The following DENND1B variants were observed in gnomAD, a reference collection of about 807,000 sequenced individuals.
The protein encoded by DENND1B is DENN domain containing 1B.
Under a neutral mutation model 90.1 loss-of-function variants are expected in DENND1B, and 59 were observed. The observed-to-expected ratio is 0.65, with a 90% CI of 0.53 to 0.81. The LOEUF (loss-of-function observed/expected upper bound fraction) is 0.81. Among genes scored for constraint, DENND1B ranks in the 40% least tolerant of loss-of-function variants. The pLI is 0.00. For missense variants in DENND1B, 862 were observed against 912.6 expected (o/e 0.94, Z 0.71); for synonymous variants, 337 against 324.6 (o/e 1.04, Z -0.41).
intron 5 of DENND1B, among the ~76,000 whole-genome samples, chr1:197,666,491 A>G (rs528259939): frequency 6.6e-6 from 1 of 152,344 alleles, no homozygotes. Context: ...TATAGCAAAT[A>G]AATTATTTTT....
intron 5 of DENND1B, among the ~76,000 whole-genome samples, chr1:197,665,733 A>G (rs1654877611): frequency 6.6e-6 from 1 of 152,262 alleles, no homozygotes; most frequent in Middle Eastern, 3.4e-3. Flanking sequence ...CTCAAGAGAC[A>G]TTCATAAATA....
intron 2 of DENND1B, chr1:197,735,734 T>C (rs760945009): frequency 3.7e-6 from 6 of 1,613,274 alleles, no homozygotes; most frequent in African/African-American, 1.3e-5. Context: ...AGTTTCTTAA[T>C]GCAAAATGCG....
intron 15 of DENND1B, among the ~76,000 whole-genome samples, chr1:197,579,997 G>A (rs967972119): frequency 6.7e-6 from 1 of 149,958 alleles, no homozygotes; most frequent in Admixed American, 6.7e-5. Context: ...TAAAGTCTTT[G>A]CAAGTCAGTT....
chr1:197,674,922 T>C (rs2488408), intron 3 of DENND1B, among the ~76,000 whole-genome samples: 1,593 of 152,232 alleles, frequency 0.01, 21 homozygotes, highest in African/African-American at 0.036. Context: ...TTAAAAATAA[T>C]TTCAAAATCT....
At chr1:197,512,511 C>A (rs1194286785) in intron 21 of DENND1B, among the ~76,000 whole-genome samples, 1 of 151,516 alleles carries the variant, frequency 6.6e-6, no homozygotes, top group Admixed American at 6.6e-5. Context: ...GTCTACTGTA[C>A]CCTCAATTCC....
In DENND1B at chr1:197,594,383, T is replaced by C. The variant is rs191934271; in HGVS notation, c.1047+825A>G. On this transcript the variant is annotated intron_variant, in intron 14 of 22. Transcript: ENST00000620048. ...AAGATAGAGGGGGAAGGTATAAGAA[T>C]TCTCATTTTACAAACATGAAGATCA... 1.2e-3 allele frequency among the ~76,000 whole-genome samples: 177 copies of C among 152,206 alleles called. 1 individual carries two copies. The highest frequency in any genetic ancestry group is 1.3e-3 in the Non-Finnish European group (85 of 67,990).
At chr1:197,555,942 T>A (rs887922909) in intron 15 of DENND1B, among the ~76,000 whole-genome samples, 3 of 152,038 alleles carry the variant, frequency 2.0e-5, no homozygotes, top group African/African-American at 7.2e-5. Context: ...AGCAAAGACA[T>A]GGATTCAACC....
chr1:197,511,902 A>T lies in DENND1B; in HGVS notation c.1641T>A (p.Tyr547Ter). Reference sequence around the variant, plus strand: ...TTGTTTCAACAGAGTCATCACTCTCATAGAGATAAGCAGAAGCTTCTTCAC... The same window carrying T: ...TTGTTTCAACAGAGTCATCACTCTCTTAGAGATAAGCAGAAGCTTCTTCAC... Reference protein sequence around the residue: ...EDGEEASAYLYESDDSVETRV... With the variant: ...EDGEEASAYL The change falls in exon 22 of 23, where the codon TAT becomes TAA. Residue 547 changes from tyrosine to a stop codon, truncating the protein, a stop_gained. Transcript: ENST00000620048. LOFTEE classifies it high-confidence loss of function. 1 of 1,609,528 alleles carries T rather than the reference A, an allele frequency of 6.2e-7. No individual in the cohort carries two copies. Among genetic ancestry groups the T allele is most frequent in the Non-Finnish European group, 8.5e-7 (1 of 1,177,316 alleles).
chr1:197,734,713 T>C lies in DENND1B; in HGVS notation c.83-19639A>G. The stretch of plus-strand genomic sequence containing the variant: ...AAGGGTGTAACTACTGTATACAGGA[T>C]TCAGAATTAAAGAATACATCATTTG... On this transcript the variant is annotated intron_variant, in intron 2 of 22. Coordinates refer to ENST00000620048, the MANE Select transcript of DENND1B (RefSeq NM_001195215.2). The C allele has an allele frequency of 1.1e-5, 11 of 984,890 alleles. No individual in the cohort carries two copies. The South Asian group carries it at 1.4e-4, about 13-fold the overall frequency. 61.0% of individuals were successfully genotyped at this position (984,890 alleles called of 1,614,324 possible).
At chr1:197,585,218 AAAAAT>A (rs1295569709) in intron 14 of DENND1B, among the ~76,000 whole-genome samples, 55 of 152,216 alleles carry the variant, frequency 3.6e-4, no homozygotes, top group African/African-American at 1.1e-3. Context: ...ACTGAATTTT[AAAAAT>A]AAAATAAAAA....
intron 2 of DENND1B, among the ~76,000 whole-genome samples, chr1:197,766,144 A>T (rs1438097257): frequency 6.6e-6 from 1 of 152,166 alleles, no homozygotes; most frequent in Non-Finnish European, 1.5e-5. Flanking sequence ...TATGTTGCCC[A>T]GCCTGGTCTT....
intron 2 of DENND1B, among the ~76,000 whole-genome samples, chr1:197,726,936 A>G (rs529153191): frequency 6.6e-5 from 10 of 152,362 alleles, no homozygotes; most frequent in African/African-American, 2.4e-4. Context: ...TAGCTATTAC[A>G]TTTCAGTTCA....
At chr1:197,659,007 T>C (rs1378012613) in intron 5 of DENND1B, among the ~76,000 whole-genome samples, 14 of 150,952 alleles carry the variant, frequency 9.3e-5, no homozygotes, top group Admixed American at 9.2e-4. Flanking sequence ...TAAAACAAAA[T>C]CTATATTCCT....
At chr1:197,600,856 C>T (rs1247494234) in intron 13 of DENND1B, among the ~76,000 whole-genome samples, 1 of 151,702 alleles carries the variant, frequency 6.6e-6, no homozygotes, top group Non-Finnish European at 1.5e-5. Context: ...GTTCCTGCCA[C>T]GTCATAAGAA....
At chr1:197,628,165 G>GA (rs1189095007) in intron 10 of DENND1B, among the ~76,000 whole-genome samples, 2 of 151,994 alleles carry the variant, frequency 1.3e-5, no homozygotes, top group East Asian at 1.9e-4. Context: ...CACAGAATTG[G>GA]AAAAAACTAC....
chr1:197,534,705 A>G (rs1240255382), intron 20 of DENND1B, among the ~76,000 whole-genome samples: 1 of 152,206 alleles, frequency 6.6e-6, no homozygotes, highest in South Asian at 2.1e-4. Flanking sequence ...ATATTAAAGT[A>G]TTTTTGGAAA....
rs1656802411 is a variant in DENND1B at position 197,772,930 on chromosome 1, G to A, written c.20C>T (p.Ala7Val). 1 of 1,550,748 alleles carries A rather than the reference G, an allele frequency of 6.4e-7. No individual in the cohort carries two copies. The highest frequency in any genetic ancestry group is 1.4e-5 in the African/African-American group (1 of 72,938). Residue 7 changes from alanine (A) to valine (V), a missense_variant and splice_region_variant, in exon 2 of 23, where the codon GCA becomes GTA. By Grantham distance (64) the Ala-to-Val change is moderately conservative (BLOSUM62 0). Transcript: ENST00000620048. MDCRTK[A>V]NPDRTFDLVL... ...CAAGTCAAAGGTTCTGTCTGGATTT[G>A]CCCTAAAAGGAAAAAGTTTAAATTA...
intron 2 of DENND1B, among the ~76,000 whole-genome samples, chr1:197,760,484 T>C (rs1390675437): frequency 2.0e-5 from 3 of 151,720 alleles, no homozygotes; most frequent in East Asian, 3.9e-4. Context: ...GCCCCATCTC[T>C]ACAAAAATTA....
At chr1:197,526,674 A>G (rs1669154919) in intron 20 of DENND1B, among the ~76,000 whole-genome samples, 1 of 152,158 alleles carries the variant, frequency 6.6e-6, no homozygotes, top group Admixed American at 6.5e-5. Context: ...CTCAAAATAT[A>G]TACTGAACAT....
Sources: gnomAD v4.1 joint callset for allele counts (sites outside exome capture counted in the v4.1 genomes callset) on GRCh38, gnomAD v4.1.1 for gene constraint, MANE v1.5 for transcripts, NCBI Gene and HGNC (gene_info 2026-07-23, HGNC 2026-07-21) for gene names.